Variants in GPR176 observed in about 807,000 individuals in gnomAD.
The protein encoded by GPR176 is G protein-coupled receptor 176, also known as G-protein coupled receptor 176.
Under a neutral mutation model 35.4 loss-of-function variants are expected in GPR176, and 26 were observed. The ratio of observed to expected loss-of-function variants is 0.74; its 90% CI spans 0.54 to 1.02. The LOEUF (loss-of-function observed/expected upper bound fraction) is 1.02, where lower values mean the gene tolerates loss of function less well. Among genes scored for constraint, GPR176 ranks in the 50% least tolerant of loss-of-function variants. GPR176 has a pLI of 0.00. For synonymous variants in GPR176, 278 were observed against 271.3 expected (o/e 1.02, Z -0.24); for missense variants, 597 against 665.3 (o/e 0.90, Z 1.13).
At chr15:39,893,161 G>A (rs1401410426) in intron 1 of GPR176, among the ~76,000 whole-genome samples, 1 of 151,840 alleles carries the variant, frequency 6.6e-6, no homozygotes, top group Non-Finnish European at 1.5e-5. Context: ...AGGGGGATTT[G>A]GCAGGGTCAT....
At chr15:39,916,683 T>C (rs1384513995) in intron 1 of GPR176, among the ~76,000 whole-genome samples, 1 of 152,246 alleles carries the variant, frequency 6.6e-6, no homozygotes, top group African/African-American at 2.4e-5. Context: ...AACGAATTTG[T>C]CTATGTTTGG....
intron 1 of GPR176, among the ~76,000 whole-genome samples, chr15:39,902,248 T>A (rs1198778483): frequency 1.3e-5 from 2 of 152,320 alleles, no homozygotes; most frequent in East Asian, 3.9e-4. Context: ...CAGGGTGATT[T>A]ACCAGCACTC....
At chr15:39,915,012 T>A (rs1487858418) in intron 1 of GPR176, among the ~76,000 whole-genome samples, 3 of 152,202 alleles carry the variant, frequency 2.0e-5, no homozygotes, top group African/African-American at 7.2e-5. Flanking sequence ...ATTTCCCACC[T>A]TTCCCTTCAA....
At chr15:39,871,930 AC>A (rs1416380239) in intron 1 of GPR176, among the ~76,000 whole-genome samples, 3 of 152,260 alleles carry the variant, frequency 2.0e-5, no homozygotes, top group African/African-American at 7.2e-5. Flanking sequence ...AAATGGAAAG[AC>A]ATTCATAAAT....
At chr15:39,802,313 C>T (rs972782142) in intron 2 of GPR176, 59 bp from the exon 3 acceptor site, 17 of 1,323,640 alleles carry the variant, frequency 1.3e-5, no homozygotes, top group Non-Finnish European at 1.8e-5. Flanking sequence ...TTAGGGGAAC[C>T]TAAATCACCA....
chr15:39,885,263 C>T (rs2032630437), intron 1 of GPR176, among the ~76,000 whole-genome samples: 1 of 152,136 alleles, frequency 6.6e-6, no homozygotes, highest in Admixed American at 6.5e-5. Flanking sequence ...TCAAGCTAAC[C>T]CTCTAGCATT....
chr15:39,839,347 C>T lies in GPR176; in HGVS notation c.173-32089G>A, dbSNP rs148874294. Among the ~76,000 whole-genome samples, 1,325 of 152,112 alleles carry T rather than the reference C, an allele frequency of 8.7e-3. 12 individuals are homozygous for T. Among genetic ancestry groups the T allele is most frequent in the South Asian group, 0.015 (72 of 4,820 alleles). The stretch of plus-strand genomic sequence containing the variant: ...CACACATCTACAACCATCTGATCTT[C>T]GACAAACCTGTCAAAAACAAGAAAT... On this transcript the variant is annotated intron_variant, in intron 1 of 2. Coordinates refer to ENST00000561100, the MANE Select transcript of GPR176 (RefSeq NM_007223.3).
chr15:39,919,414 ATAT>A (rs1566973452), intron 1 of GPR176, among the ~76,000 whole-genome samples: 1 of 152,212 alleles, frequency 6.6e-6, no homozygotes, highest in Non-Finnish European at 1.5e-5. Context: ...ATAATTGTAT[ATAT>A]TATTATTTCG....
chr15:39,884,589 C>T (rs147076522), intron 1 of GPR176, among the ~76,000 whole-genome samples: 1 of 152,304 alleles, frequency 6.6e-6, no homozygotes, highest in East Asian at 1.9e-4. Context: ...AATTTCCTCC[C>T]TGCCATTCTT....
Position 39,806,992 on chromosome 15 carries a change from C to T in GPR176, c.425+14G>A, listed in dbSNP as rs1392817305. On this transcript the variant is annotated intron_variant, in intron 2 of 2. Transcript: ENST00000561100. The stretch of plus-strand genomic sequence containing the variant: ...CTTAAAAAAAAAAGTTAGCTCCTGG[C>T]TACCTGATCTTACCTGTCCAAAGCA... The T allele has an allele frequency of 1.3e-6, 2 of 1,570,102 alleles. No homozygotes were observed. Among genetic ancestry groups the T allele is most frequent in the Non-Finnish European group, 8.6e-7 (1 of 1,163,684 alleles).
At chr15:39,865,089 T>C (rs571910453) in intron 1 of GPR176, among the ~76,000 whole-genome samples, 1 of 152,248 alleles carries the variant, frequency 6.6e-6, no homozygotes, top group Admixed American at 6.5e-5. Context: ...GAAACTCTTA[T>C]ACACTATTGA....
At chr15:39,907,947 T>C (rs78751711) in intron 1 of GPR176, among the ~76,000 whole-genome samples, 3 of 152,140 alleles carry the variant, frequency 2.0e-5, no homozygotes, top group African/African-American at 7.2e-5. Context: ...ATCATGCCAC[T>C]GCACTCCAGC....
At position 39,817,320 on chromosome 15, in the gene GPR176, GAA is replaced by G. The variant is rs1344501231; in HGVS notation, c.173-10064_173-10063del. 4.6e-5 allele frequency among the ~76,000 whole-genome samples: 7 copies of G among 152,182 alleles called. No individual in the cohort carries two copies. In the East Asian group the frequency reaches 1.4e-3, roughly 29 times the overall value. ...TAGTTTCACTATGACACTTATTTTT[GAA>G]AAGAGTTGGTTATGTATTCATTATT... is the stretch of plus-strand genomic sequence containing the variant. On this transcript the variant is annotated intron_variant, in intron 1 of 2. Transcript: ENST00000561100.
chr15:39,886,232 T>C (rs1199457523), intron 1 of GPR176, among the ~76,000 whole-genome samples: 1 of 149,594 alleles, frequency 6.7e-6, no homozygotes, highest in Non-Finnish European at 1.5e-5. Flanking sequence ...AAATTCTGTC[T>C]CAAAAAAAAA....
intron 1 of GPR176, among the ~76,000 whole-genome samples, chr15:39,910,821 T>C (rs1383840250): frequency 6.6e-6 from 1 of 152,068 alleles, no homozygotes; most frequent in Non-Finnish European, 1.5e-5. Context: ...ACGGATCACC[T>C]AAGGTCAGTA....
intron 1 of GPR176, among the ~76,000 whole-genome samples, chr15:39,815,665 A>G (rs1899853186): frequency 6.6e-6 from 1 of 152,208 alleles, no homozygotes; most frequent in African/African-American, 2.4e-5. Context: ...AGAATCTATC[A>G]AGTCTACTAT....
chr15:39,911,186 T>G (rs1215444359), intron 1 of GPR176, among the ~76,000 whole-genome samples: 1 of 152,140 alleles, frequency 6.6e-6, no homozygotes, highest in Non-Finnish European at 1.5e-5. Flanking sequence ...AGAAAAAAAG[T>G]GAGTAAACCA....
At chr15:39,823,832 G>A (rs893099737) in intron 1 of GPR176, among the ~76,000 whole-genome samples, 4 of 152,198 alleles carry the variant, frequency 2.6e-5, no homozygotes, top group African/African-American at 2.4e-5. Flanking sequence ...GTGCCCCCTA[G>A]AGTACTGCTA....
At chr15:39,896,414 T>C (rs965877874) in intron 1 of GPR176, among the ~76,000 whole-genome samples, 96 of 152,310 alleles carry the variant, frequency 6.3e-4, no homozygotes, top group African/African-American at 2.3e-3. Context: ...AACCAAGAAA[T>C]ATCTTCAATG....
Sources: gnomAD v4.1 joint callset for allele counts (sites outside exome capture counted in the v4.1 genomes callset) on GRCh38, gnomAD v4.1.1 for gene constraint, MANE v1.5 for transcripts, NCBI Gene and HGNC (gene_info 2026-07-23, HGNC 2026-07-21) for gene names.